Variants in BSN observed in about 807,000 individuals in gnomAD.
BSN encodes the protein protein bassoon.
Under a neutral mutation model 264.8 loss-of-function variants are expected in BSN, and 57 were observed. That is an observed-to-expected ratio of 0.22 (90% CI 0.17 to 0.27). The LOEUF is 0.27. Among genes scored for constraint, BSN ranks in the 10% least tolerant of loss-of-function variants. The pLI is 1.00. For missense variants in BSN, 4,615 were observed against 5,232.5 expected (o/e 0.88, Z 3.64); for synonymous variants, 2,059 against 2,137.3 (o/e 0.96, Z 1.01).
At chr3:49,595,343 C>T (rs1337676909) in intron 1 of BSN, among the ~76,000 whole-genome samples, 1 of 151,958 alleles carries the variant, frequency 6.6e-6, no homozygotes, top group African/African-American at 2.4e-5. Flanking sequence ...CAGGCATGCA[C>T]CACCACCCCT....
intron 1 of BSN, among the ~76,000 whole-genome samples, chr3:49,597,995 C>G (rs2052039200): frequency 6.6e-6 from 1 of 152,136 alleles, no homozygotes; most frequent in South Asian, 2.1e-4. Context: ...TATAATTTCT[C>G]TTTATTGATA....
rs144859471 is a variant in BSN at position 49,614,024 on chromosome 3, G to A, written c.225-10951G>A. On this transcript the variant is annotated intron_variant, in intron 1 of 11. Coordinates refer to ENST00000296452, the MANE Select transcript of BSN (RefSeq NM_003458.4). ...CGTCATTCACACAGTGCTTGTCACC[G>A]GCACCATGGTGCAAGAGACATTCAG... 5.2e-4 allele frequency among the ~76,000 whole-genome samples: 78 copies of A among 150,784 alleles called. No homozygotes were observed. In the East Asian group the frequency reaches 0.013, roughly 25 times the overall value.
At chr3:49,646,931 C>G (rs754987636) in intron 3 of BSN, among the ~76,000 whole-genome samples, 1 of 152,204 alleles carries the variant, frequency 6.6e-6, no homozygotes. Flanking sequence ...GTCGCAGAGT[C>G]AGGAGAGGAA....
At chr3:49,639,859 C>G (rs4855847) in intron 2 of BSN, among the ~76,000 whole-genome samples, 80,460 of 152,194 alleles carry the variant, frequency 0.53, 22,449 homozygotes, top group East Asian at 0.94. Flanking sequence ...GAGAGAATGC[C>G]TGTGAACATG....
intron 1 of BSN, among the ~76,000 whole-genome samples, chr3:49,555,608 A>C (rs1242043150): frequency 2.6e-5 from 4 of 152,272 alleles, no homozygotes; most frequent in African/African-American, 9.6e-5. Context: ...AGTTTGTTTT[A>C]AATGTATGCC....
At chr3:49,572,683 G>A (rs1203382148) in intron 1 of BSN, among the ~76,000 whole-genome samples, 2 of 152,118 alleles carry the variant, frequency 1.3e-5, no homozygotes, top group Non-Finnish European at 2.9e-5. Context: ...ACAGTCACCC[G>A]CCACCACGCC....
intron 2 of BSN, among the ~76,000 whole-genome samples, chr3:49,632,757 T>A (rs562439859): frequency 6.6e-6 from 1 of 151,612 alleles, no homozygotes; most frequent in Non-Finnish European, 1.5e-5. Flanking sequence ...TGAATCAAGA[T>A]CGCACTACTG....
In BSN at chr3:49,554,587, CGCCCGCCT is replaced by C; in HGVS notation, c.-8_-1del. ...GGCGCAGCGCGACCCCGACCCCGCC[CGCCCGCCT>C]GCCCGCCATGGGCAACGAGGTCAGC... On this transcript the variant is annotated 5_prime_UTR_variant, in exon 1 of 12. Transcript: ENST00000296452. The C allele has an allele frequency of 2.1e-6, 2 of 973,276 alleles. No homozygotes were observed. The highest frequency in any genetic ancestry group is 1.2e-6 in the Non-Finnish European group (1 of 819,302). 60.3% of individuals were successfully genotyped at this position (973,276 alleles called of 1,614,324 possible). A position where few individuals can be genotyped will look rare whatever the true frequency, so the allele number is the denominator to read the frequency against.
chr3:49,650,100 C>A (rs557419307), intron 3 of BSN, among the ~76,000 whole-genome samples: 1 of 152,330 alleles, frequency 6.6e-6, no homozygotes, highest in South Asian at 2.1e-4. Context: ...TCTAGCATAG[C>A]CCTTACCTGG....
chr3:49,577,976 G>A (rs551769976), intron 1 of BSN, among the ~76,000 whole-genome samples: 8 of 152,250 alleles, frequency 5.3e-5, no homozygotes, highest in East Asian at 1.9e-4. Context: ...TGGGGGTAGC[G>A]GGGTTACTGT....
chr3:49,582,892 T>C (rs1208637999), intron 1 of BSN, among the ~76,000 whole-genome samples: 2 of 152,118 alleles, frequency 1.3e-5, no homozygotes, highest in East Asian at 1.9e-4. Context: ...TCTGCATCAA[T>C]TGAGGTAAAC....
chr3:49,620,270 C>G (rs2052294703), intron 1 of BSN, among the ~76,000 whole-genome samples: 1 of 151,816 alleles, frequency 6.6e-6, no homozygotes, highest in African/African-American at 2.4e-5. Flanking sequence ...ACTAAAAATA[C>G]AAAAATCAGC....
chr3:49,626,007 G>C (rs1357095637), intron 2 of BSN, among the ~76,000 whole-genome samples: 1 of 152,196 alleles, frequency 6.6e-6, no homozygotes, highest in Non-Finnish European at 1.5e-5. Flanking sequence ...ATTCACCAAG[G>C]ATGACAGTGT....
At chr3:49,612,848 A>G (rs1340570983) in intron 1 of BSN, among the ~76,000 whole-genome samples, 1 of 152,196 alleles carries the variant, frequency 6.6e-6, no homozygotes, top group Non-Finnish European at 1.5e-5. Flanking sequence ...TTGAAAGGCC[A>G]GGGGCCAGGC....
At chr3:49,618,472 A>G (rs2052278632) in intron 1 of BSN, among the ~76,000 whole-genome samples, 2 of 152,144 alleles carry the variant, frequency 1.3e-5, no homozygotes, top group East Asian at 1.9e-4. Context: ...TTCTCCTTGA[A>G]GAGACCCTAA....
intron 1 of BSN, among the ~76,000 whole-genome samples, chr3:49,600,736 C>T (rs2052067413): frequency 3.3e-5 from 5 of 151,886 alleles, no homozygotes; most frequent in Non-Finnish European, 7.4e-5. Flanking sequence ...CCAGGGAGGT[C>T]GAGGCTCTAG....
downstream of BSN, among the ~76,000 whole-genome samples, chr3:49,673,070 C>T (rs533043074): frequency 1.3e-4 from 13 of 103,436 alleles, no homozygotes; most frequent in East Asian, 1.1e-3. Flanking sequence ...TGAGCCACCG[C>T]GCCCGGCCGG....
At chr3:49,582,619 T>C (rs542428639) in intron 1 of BSN, among the ~76,000 whole-genome samples, 1 of 152,232 alleles carries the variant, frequency 6.6e-6, no homozygotes, top group Non-Finnish European at 1.5e-5. Context: ...CCAATTTGGA[T>C]GTCCTTTATT....
rs768555132 is a variant in BSN at position 49,625,287 on chromosome 3, G to A, written c.537G>A (p.Thr179=). ...CCATATGCAAGACTTCGGACCTCAC[G>A]TCGACCCCCAGCCAGCCAAACTTCA... The part of the protein sequence containing the change: ...LCPICKTSDL[T]STPSQPNFNT... The change falls in exon 2 of 12, where the codon ACG becomes ACA. Residue 179 remains threonine (T), a synonymous_variant. Coordinates refer to ENST00000296452, the MANE Select transcript of BSN (RefSeq NM_003458.4). This position sits in a 1 kb window ranked among gnomAD's most constrained non-coding sequence, Gnocchi z 4.4. 1.6e-5 allele frequency: 25 copies of A among 1,601,360 alleles called. No individual in the cohort carries two copies. Among genetic ancestry groups the A allele is most frequent in the East Asian group, 4.5e-5 (2 of 44,000 alleles).
Sources: allele counts gnomAD v4.1 joint callset (sites outside exome capture counted in the v4.1 genomes callset), GRCh38; gene constraint gnomAD v4.1.1; non-coding constraint Gnocchi (gnomAD v3.1); transcripts MANE v1.5; gene names NCBI Gene and HGNC (gene_info 2026-07-23, HGNC 2026-07-21).